Variants in MTOR observed in about 807,000 individuals in gnomAD.
MTOR encodes the protein mechanistic target of rapamycin kinase.
In MTOR, 70 loss-of-function variants were observed where a neutral mutation model predicts 319.8. The ratio of observed to expected loss-of-function variants is 0.22; its 90% CI spans 0.18 to 0.27. The LOEUF is 0.27. MTOR is among the 10% of genes least tolerant of loss of function. The pLI is 1.00. For synonymous variants in MTOR, 1,183 were observed against 1,211.4 expected, an observed-to-expected ratio of 0.98 and a Z score of 0.49; for missense variants, 1,890 against 3,274.4, an observed-to-expected ratio of 0.58 and a Z score of 10.32.
At chr1:11,146,223 C>G (rs1213860714) in intron 32 of MTOR, among the ~76,000 whole-genome samples, 2 of 152,208 alleles carry the variant, frequency 1.3e-5, no homozygotes, top group Admixed American at 1.3e-4. Flanking sequence ...GGGATTACTT[C>G]ATTATTTCAT....
intron 46 of MTOR, among the ~76,000 whole-genome samples, chr1:11,125,525 G>T (rs1034644791): frequency 6.6e-6 from 1 of 151,416 alleles, no homozygotes; most frequent in African/African-American, 2.4e-5. Flanking sequence ...CAGGTCGGGA[G>T]TTTGAGACCA....
intron 19 of MTOR, chr1:11,226,343 G>A (rs1044498703): frequency 6.6e-6 from 1 of 151,978 alleles, no homozygotes; most frequent in Non-Finnish European, 1.5e-5. Context: ...GCAAATTTGT[G>A]AAGCATTCCG....
At chr1:11,206,417 T>C (rs551341144) in intron 25 of MTOR, among the ~76,000 whole-genome samples, 59 of 152,302 alleles carry the variant, frequency 3.9e-4, no homozygotes, top group African/African-American at 1.3e-3. Context: ...TTGATGCTAG[T>C]TGACACTGGG....
At chr1:11,215,092 G>T (rs965928711) in intron 20 of MTOR, among the ~76,000 whole-genome samples, 6 of 152,140 alleles carry the variant, frequency 3.9e-5, no homozygotes, top group African/African-American at 1.4e-4. Flanking sequence ...CAGGTGTGAG[G>T]CTCCCTGCCT....
At chr1:11,155,016 T>C (rs1352333578) in intron 30 of MTOR, among the ~76,000 whole-genome samples, 2 of 152,124 alleles carry the variant, frequency 1.3e-5, no homozygotes, top group Non-Finnish European at 2.9e-5. Context: ...ACTGTGGTGG[T>C]GTGTGCCTGT....
chr1:11,114,444 G>A lies in MTOR; in HGVS notation c.7174C>T (p.Leu2392=), dbSNP rs966299123. The change falls in exon 53 of 58, where the codon CTG becomes TTG. Residue 2392 remains leucine, a synonymous_variant. Coordinates refer to ENST00000361445, the MANE Select transcript of MTOR (RefSeq NM_004958.4). Reference sequence around the variant, plus strand: ...CATGTGATTCTGTAGTTGCCATCCAGGCCTGTAACCTAGAAATGGGACAGA... The same window carrying A: ...CATGTGATTCTGTAGTTGCCATCCAAGCCTGTAACCTAGAAATGGGACAGA... The part of the protein sequence containing the change: ...MLTNAMEVTG[L]DGNYRITCHT... 3.7e-6 allele frequency: 6 copies of A among 1,614,150 alleles called. No individual in the cohort carries two copies. The highest frequency in any genetic ancestry group is 5.1e-6 in the Non-Finnish European group (6 of 1,180,028).
intron 46 of MTOR, 124 bp downstream of exon 46, chr1:11,126,498 T>G: frequency 2.7e-6 from 3 of 1,099,450 alleles, no homozygotes; most frequent in Non-Finnish European, 3.9e-6. Flanking sequence ...TCAATGAGCA[T>G]GGGAGAGATG....
Position 11,233,323 on chromosome 1 carries a change from A to G in MTOR, c.2421+75T>C. ...AGACCTTTCATTTAAAAAAAAAAAT[A>G]GTATTTTGACTTCCTTAGAGGTTAG... On this transcript the variant is annotated intron_variant, in intron 15 of 57. Transcript: ENST00000361445. 7.5e-6 allele frequency: 10 copies of G among 1,327,850 alleles called. No individual in the cohort carries two copies. In the South Asian group the frequency reaches 1.3e-4, roughly 17 times the overall value. The allele number at this position is 1,327,850 out of a possible 1,614,324, so 82.3% of individuals were successfully genotyped here. A position where few individuals can be genotyped will look rare whatever the true frequency, so the allele number is the denominator to read the frequency against.
intron 19 of MTOR, among the ~76,000 whole-genome samples, chr1:11,217,216 G>A (rs1369127101): frequency 6.6e-6 from 1 of 152,080 alleles, no homozygotes; most frequent in Non-Finnish European, 1.5e-5. Context: ...TTTAGGTGTA[G>A]GAAGAAAAAA....
chr1:11,134,571 A>G, intron 36 of MTOR, 105 bp from the exon 37 acceptor site: 1 of 848,196 alleles, frequency 1.2e-6, no homozygotes, highest in Non-Finnish European at 2.0e-6. Flanking sequence ...CTCTCCAAAC[A>G]GAATACCCTA....
intron 46 of MTOR, among the ~76,000 whole-genome samples, chr1:11,126,142 G>A (rs972959379): frequency 6.6e-6 from 1 of 150,772 alleles, no homozygotes; most frequent in Admixed American, 6.6e-5. Flanking sequence ...TCTACCCCAA[G>A]GGAAATTCCA....
intron 49 of MTOR, among the ~76,000 whole-genome samples, chr1:11,117,950 C>T (rs1418295399): frequency 3.3e-5 from 5 of 151,770 alleles, no homozygotes; most frequent in African/African-American, 1.2e-4. Flanking sequence ...TGTGGTGGTG[C>T]GTGCCTGTAA....
At chr1:11,222,764 A>T (rs1646710134) in intron 19 of MTOR, among the ~76,000 whole-genome samples, 1 of 151,958 alleles carries the variant, frequency 6.6e-6, no homozygotes, top group Non-Finnish European at 1.5e-5. Flanking sequence ...CATTTTTTTT[A>T]ATAAAAAAAA....
At chr1:11,190,892 A>G (rs1645503251) in intron 28 of MTOR, among the ~76,000 whole-genome samples, 1 of 152,240 alleles carries the variant, frequency 6.6e-6, no homozygotes, top group South Asian at 2.1e-4. Flanking sequence ...GGTTAACCTC[A>G]GCTCAAATTA....
At chr1:11,225,107 T>C (rs1475257786) in intron 19 of MTOR, among the ~76,000 whole-genome samples, 1 of 152,230 alleles carries the variant, frequency 6.6e-6, no homozygotes, top group African/African-American at 2.4e-5. Context: ...ATTTAAGTTT[T>C]CTAAAATTAG....
At chr1:11,241,375 A>G (rs1648004705) in intron 10 of MTOR, among the ~76,000 whole-genome samples, 178 bp downstream of exon 10, 1 of 151,886 alleles carries the variant, frequency 6.6e-6, no homozygotes, top group South Asian at 2.1e-4. Context: ...CTTAGTCAAG[A>G]TCATATAGAA....
At position 11,109,540 on chromosome 1, in the gene MTOR, C is replaced by A; in HGVS notation, c.7447+109G>T. ...AGAAATTCATGGAACCTTTTCTGCT[C>A]AAAGGCAGTTTTGTTGCTTCATCTT... On this transcript the variant is annotated intron_variant, in intron 55 of 57. Transcript: ENST00000361445. This position sits in a 1 kb window ranked among gnomAD's most constrained non-coding sequence, Gnocchi z 4.0. 7.8e-7 allele frequency: 1 copy of A among 1,283,984 alleles called. No individual in the cohort carries two copies. Among genetic ancestry groups the A allele is most frequent in the Non-Finnish European group, 1.1e-6 (1 of 891,780 alleles). The allele number at this position is 1,283,984 out of a possible 1,614,324, so 79.5% of individuals were successfully genotyped here. A position where few individuals can be genotyped will look rare whatever the true frequency, so the allele number is the denominator to read the frequency against.
intron 54 of MTOR, among the ~76,000 whole-genome samples, chr1:11,111,980 A>AAACT (rs758326414): frequency 6.6e-6 from 1 of 151,562 alleles, no homozygotes; most frequent in Non-Finnish European, 1.5e-5. Context: ...ACAAACAAAC[A>AAACT]AAAAAACCCC....
intron 49 of MTOR, among the ~76,000 whole-genome samples, chr1:11,118,216 C>A (rs1407309181): frequency 6.7e-6 from 1 of 148,518 alleles, no homozygotes; most frequent in Admixed American, 6.7e-5. Flanking sequence ...CCTTAAATTC[C>A]AAACTTAGTT....
Sources: allele counts gnomAD v4.1 joint callset (sites outside exome capture counted in the v4.1 genomes callset), GRCh38; gene constraint gnomAD v4.1.1; non-coding constraint Gnocchi (gnomAD v3.1); transcripts MANE v1.5; gene names NCBI Gene and HGNC (gene_info 2026-07-23, HGNC 2026-07-21).